MAP7D2: variants seen among roughly 807,000 people sequenced by gnomAD.
MAP7D2 encodes MAP7 domain containing 2.
MAP7D2 carries 33 observed loss-of-function variants against 63.5 expected under a neutral mutation model. The observed-to-expected ratio is 0.52, with a 90% confidence interval of 0.39 to 0.70. The LOEUF (loss-of-function observed/expected upper bound fraction) is 0.70, where lower values mean the gene tolerates loss of function less well. Among genes scored for constraint, MAP7D2 ranks in the 30% least tolerant of loss-of-function variants. MAP7D2 has a pLI of 0.00. For synonymous variants in MAP7D2, 224 were observed against 223.7 expected (o/e 1.00, Z -0.01); for missense variants, 626 against 604.0 (o/e 1.04, Z -0.38).
intron 4 of MAP7D2, among the ~76,000 whole-genome samples, chrX:20,055,073 C>T (rs1027094855): frequency 6.3e-5 from 6 of 94,776 alleles, no homozygotes; most frequent in African/African-American, 2.9e-4. Flanking sequence ...ATCCCTTTTA[C>T]AGCTTTTTTT....
chrX:20,106,264 A>C (rs917612041), intron 1 of MAP7D2, among the ~76,000 whole-genome samples: 7 of 112,081 alleles, frequency 6.2e-5, no homozygotes, highest in African/African-American at 2.3e-4. Flanking sequence ...CCCCAAGACA[A>C]TAATCTGTGT....
At position 20,059,620 on chromosome X, in the gene MAP7D2, A is replaced by G. The variant is rs868700536; in HGVS notation, c.373-2829T>C. ...GAAGGAAGGAAGGAAGGAAGGAAGG[A>G]AGGAAGGGTGGAAGGAAGGAAGGAA... On this transcript the variant is annotated intron_variant, in intron 3 of 16. Coordinates refer to ENST00000379643, the MANE Select transcript of MAP7D2 (RefSeq NM_001168465.2). Among the ~76,000 whole-genome samples the G allele has an allele frequency of 2.3e-3, 231 of 98,426 alleles. 1 individual carries two copies. The highest frequency in any genetic ancestry group is 8.1e-3 in the African/African-American group (211 of 26,101). 85.5% of individuals were successfully genotyped at this position (98,426 alleles called of 115,157 possible). A position where few individuals can be genotyped will look rare whatever the true frequency, so the allele number is the denominator to read the frequency against.
intron 1 of MAP7D2, among the ~76,000 whole-genome samples, chrX:20,069,225 C>T (rs960612702): frequency 9.0e-6 from 1 of 111,279 alleles, no homozygotes; most frequent in Non-Finnish European, 1.9e-5. Flanking sequence ...CTTTTTGAGA[C>T]AGGATATCAC....
At chrX:20,094,562 A>ATG (rs1333923278) in intron 1 of MAP7D2, among the ~76,000 whole-genome samples, 2 of 13,214 alleles carry the variant, frequency 1.5e-4, no homozygotes, top group Non-Finnish European at 2.3e-4. Context: ...ATATATATAT[A>ATG]TATATACATA....
At chrX:20,109,259 C>T (rs1284928024) in intron 1 of MAP7D2, among the ~76,000 whole-genome samples, 1 of 109,935 alleles carries the variant, frequency 9.1e-6, no homozygotes, top group Admixed American at 9.8e-5. Flanking sequence ...TGGTGGCTCA[C>T]GCCTATAATC....
At chrX:20,020,517 C>G (rs1028903466) in intron 10 of MAP7D2, among the ~76,000 whole-genome samples, 7 of 111,987 alleles carry the variant, frequency 6.3e-5, no homozygotes, top group Non-Finnish European at 1.3e-4. Context: ...TTTGATAAGC[C>G]TATGTCTTAT....
At chrX:20,045,338 G>C (rs1367673109) in intron 6 of MAP7D2, among the ~76,000 whole-genome samples, 2 of 109,147 alleles carry the variant, frequency 1.8e-5, no homozygotes, top group African/African-American at 3.3e-5. Flanking sequence ...ACCAGCCTTG[G>C]CAACATGGTG....
chrX:20,082,069 G>T (rs1426268347), intron 1 of MAP7D2, among the ~76,000 whole-genome samples: 1 of 112,177 alleles, frequency 8.9e-6, no homozygotes, highest in African/African-American at 3.2e-5. Context: ...GATGGTCCCA[G>T]TTACACCACT....
intron 1 of MAP7D2, among the ~76,000 whole-genome samples, chrX:20,094,550 A>G (rs868790938): frequency 8.0e-4 from 8 of 10,058 alleles, no homozygotes; most frequent in East Asian, 3.7e-3. Context: ...ATGTATATAT[A>G]TATATATATA....
chrX:20,044,309 C>T (rs2064736981), intron 7 of MAP7D2, 55 bp downstream of exon 7: 3 of 1,129,134 alleles, frequency 2.7e-6, no homozygotes, highest in Admixed American at 4.5e-5. Context: ...AGTAATCACA[C>T]CATCAGACAG....
rs148501612 is a variant in MAP7D2 at position 20,025,775 on chromosome X, C to G, written c.1185G>C (p.Pro395=). The G allele has an allele frequency of 1.7e-6, 2 of 1,211,637 alleles. No individual in the cohort carries two copies. The highest frequency in any genetic ancestry group is 2.2e-6 in the Non-Finnish European group (2 of 895,326). ...EGTLAQQAAG[P]QGEEALEKHV... Reference sequence around the variant, plus strand: ...GCTTCTCTAGGGCTTCCTCTCCTTGCGGGCCAGCAGCCTGCTGAGCCAAGG... The same window carrying G: ...GCTTCTCTAGGGCTTCCTCTCCTTGGGGGCCAGCAGCCTGCTGAGCCAAGG... The change falls in exon 9 of 17, where the codon CCG becomes CCC. Residue 395 remains proline (P), a synonymous_variant. Transcript: ENST00000379643.
chrX:20,050,882 CTG>C lies in MAP7D2; in HGVS notation c.658_659del (p.Gln220ValfsTer18), dbSNP rs746757600. 3.8e-5 allele frequency: 45 copies of C among 1,184,036 alleles called. No homozygotes were observed. The highest frequency in any genetic ancestry group is 4.7e-5 in the Non-Finnish European group (41 of 881,127). On this transcript the variant is annotated frameshift_variant, in exon 6 of 17. Coordinates refer to ENST00000379643, the MANE Select transcript of MAP7D2 (RefSeq NM_001168465.2). LOFTEE classifies it high-confidence loss of function. ...AAGCTCTGCTTCTGGCTAAAGAAGA[CTG>C]TGTGGGTGTCAACAGTCGCGAAACA... ...ILVSRLLTPT[Q>X]SSLARSRASV...
chrX:20,093,310 G>C (rs1222929076), intron 1 of MAP7D2, among the ~76,000 whole-genome samples: 2 of 111,307 alleles, frequency 1.8e-5, no homozygotes, highest in Non-Finnish European at 3.8e-5. Context: ...GACAAAAATG[G>C]AACAGAGACG....
At chrX:20,078,004 T>C (rs1003838663) in intron 1 of MAP7D2, among the ~76,000 whole-genome samples, 5 of 111,599 alleles carry the variant, frequency 4.5e-5, no homozygotes, top group Non-Finnish European at 7.5e-5. Context: ...AGAGATGACA[T>C]CTCACAAACA....
intron 1 of MAP7D2, among the ~76,000 whole-genome samples, chrX:20,094,046 T>C (rs142583865): frequency 1.6e-3 from 175 of 111,969 alleles, no homozygotes; most frequent in Non-Finnish European, 2.7e-3. Flanking sequence ...AAATGGCTTG[T>C]AATAACAAAA....
intron 1 of MAP7D2, among the ~76,000 whole-genome samples, chrX:20,108,705 C>A (rs1346959094): frequency 6.7e-5 from 7 of 103,761 alleles, no homozygotes; most frequent in Admixed American, 2.1e-4. Flanking sequence ...TGGTCAACAG[C>A]AGATTGGAAA....
intron 6 of MAP7D2, among the ~76,000 whole-genome samples, chrX:20,048,574 C>A (rs192455188): frequency 1.4e-4 from 15 of 111,098 alleles, no homozygotes; most frequent in Non-Finnish European, 9.4e-5. Flanking sequence ...AAATGGGGTA[C>A]TTCCTACTTG....
intron 7 of MAP7D2, among the ~76,000 whole-genome samples, chrX:20,043,603 C>T (rs191582631): frequency 5.3e-5 from 6 of 112,339 alleles, no homozygotes; most frequent in Admixed American, 4.7e-4. Context: ...AACATCTTGA[C>T]CACACCTCAT....
chrX:20,016,010 T>A, intron 11 of MAP7D2, 84 bp downstream of exon 11: 1 of 801,619 alleles, frequency 1.2e-6, no homozygotes, highest in Non-Finnish European at 1.8e-6. Context: ...GTAAACATTA[T>A]GAGTCATTGA....
Sources: allele counts gnomAD v4.1 joint callset (sites outside exome capture counted in the v4.1 genomes callset), GRCh38; gene constraint gnomAD v4.1.1; transcripts MANE v1.5; gene names NCBI Gene and HGNC (gene_info 2026-07-23, HGNC 2026-07-21).